The following DMD variants were observed in gnomAD, a reference collection of about 807,000 sequenced individuals.
The protein encoded by DMD is mutant dystrophin.
A neutral mutation model predicts 330.1 loss-of-function variants in DMD; 63 were observed. That is an observed-to-expected ratio of 0.19 (90% CI 0.16 to 0.24). The LOEUF is 0.24. DMD is among the 10% of genes least tolerant of loss of function. DMD has a pLI of 1.00. For missense variants in DMD, 3,344 were observed against 2,684.1 expected (o/e 1.25, Z -5.43); for synonymous variants, 1,223 against 959.8 (o/e 1.27, Z -5.07).
intron 37 of DMD, among the ~76,000 whole-genome samples, chrX:32,353,873 T>G (rs1203656843): frequency 9.0e-6 from 1 of 111,198 alleles, no homozygotes; most frequent in Non-Finnish European, 1.9e-5. Flanking sequence ...GCTTAACAAC[T>G]ATTAATTGTG....
At position 31,466,542 on chromosome X, in the gene DMD, C is replaced by T. The variant is rs550473918; in HGVS notation, c.8937+11564G>A. Among the ~76,000 whole-genome samples the T allele has an allele frequency of 5.6e-4, 63 of 111,751 alleles. 1 individual carries two copies. Among genetic ancestry groups the T allele is most frequent in the African/African-American group, 1.9e-3 (59 of 30,721 alleles). ...CTATATATCTGTTTTGGTACCAATA[C>T]CATACTGTTTTGGTTACTGAAGCCT... On this transcript the variant is annotated intron_variant, in intron 59 of 78. Transcript: ENST00000357033.
At chrX:32,977,361 G>T (rs1446274548) in intron 2 of DMD, among the ~76,000 whole-genome samples, 1 of 111,202 alleles carries the variant, frequency 9.0e-6, no homozygotes, top group East Asian at 2.8e-4. Flanking sequence ...ACACCCAATT[G>T]ATTAAATTAT....
At chrX:32,485,382 A>C (rs1284256882) in intron 20 of DMD, among the ~76,000 whole-genome samples, 2 of 110,960 alleles carry the variant, frequency 1.8e-5, no homozygotes, top group African/African-American at 3.3e-5. Flanking sequence ...CAGTGGAAAA[A>C]TACTATGCAT....
intron 62 of DMD, among the ~76,000 whole-genome samples, chrX:31,284,031 C>G (rs955935452): frequency 8.9e-6 from 1 of 112,235 alleles, no homozygotes; most frequent in African/African-American, 3.2e-5. Flanking sequence ...CTCAGCCTAG[C>G]CTACCTTAAA....
At chrX:31,976,979 T>A (rs1274736617) in intron 44 of DMD, among the ~76,000 whole-genome samples, 1 of 112,032 alleles carries the variant, frequency 8.9e-6, no homozygotes, top group Non-Finnish European at 1.9e-5. Flanking sequence ...GTCAACACTC[T>A]CAACTTAATG....
chrX:32,843,134 G>A (rs17283421), intron 4 of DMD, among the ~76,000 whole-genome samples: 9,390 of 111,520 alleles, frequency 0.084, 311 homozygotes, highest in Middle Eastern at 0.15. Context: ...ATGCAGGATT[G>A]AGTTTTACAG....
rs1057523030 is a variant in DMD at position 32,545,266 on chromosome X, C to A, written c.2061G>T (p.Thr687=). Residue 687 remains threonine (T), a synonymous_variant, in exon 17 of 79, where the codon ACG becomes ACT. Transcript: ENST00000357033. ...CCAGGATCTGTTCCCTTGTGGTCAC[C>A]GTAGTTACTGTTTCCATTACAGTTG... ...TQTTVMETVT[T]VTTREQILVK... The A allele has an allele frequency of 4.1e-6, 5 of 1,208,824 alleles. No homozygotes were observed. The African/African-American group carries it at 8.8e-5, about 21-fold the overall frequency.
chrX:31,584,412 C>G (rs2076488639), intron 55 of DMD, among the ~76,000 whole-genome samples: 1 of 111,185 alleles, frequency 9.0e-6, no homozygotes, highest in Admixed American at 9.6e-5. Flanking sequence ...TCCAGCTCCT[C>G]AAAGATCTAG....
At chrX:32,790,911 C>T (rs762331392) in intron 7 of DMD, among the ~76,000 whole-genome samples, 4 of 111,262 alleles carry the variant, frequency 3.6e-5, no homozygotes, top group Admixed American at 9.5e-5. Flanking sequence ...CCTTGCCCCT[C>T]GACTACAATA....
intron 1 of DMD, among the ~76,000 whole-genome samples, chrX:33,200,925 CTTTTTT>C (rs10678250): frequency 1.9e-5 from 1 of 52,808 alleles, no homozygotes; most frequent in Non-Finnish European, 3.0e-5. Flanking sequence ...AATCAATAGA[CTTTTTT>C]TTTTTTTTTT....
intron 1 of DMD, among the ~76,000 whole-genome samples, chrX:33,106,066 A>G (rs910593871): frequency 9.0e-5 from 10 of 110,680 alleles, no homozygotes; most frequent in African/African-American, 3.3e-4. Flanking sequence ...ACACACACAC[A>G]CACACACACA....
chrX:31,149,620 T>C lies in DMD; in HGVS notation c.10554-2102A>G, dbSNP rs377460597. Among the ~76,000 whole-genome samples the C allele has an allele frequency of 1.2e-4, 13 of 112,283 alleles. No homozygotes were observed. The South Asian group carries it at 4.4e-3, about 38-fold the overall frequency. ...TACTATGGTCTCATTTTATGTCCAT[T>C]AATAATGTTTTACTTGTTACTCTTT... On this transcript the variant is annotated intron_variant, in intron 74 of 78. Transcript: ENST00000357033.
At chrX:32,383,050 T>C (rs2097935651) in intron 33 of DMD, among the ~76,000 whole-genome samples, 1 of 111,064 alleles carries the variant, frequency 9.0e-6, no homozygotes, top group Non-Finnish European at 1.9e-5. Context: ...TCCATAAAAA[T>C]CAGAGCATAG....
At chrX:32,598,690 G>A (rs767563243) in intron 12 of DMD, among the ~76,000 whole-genome samples, 7 of 111,936 alleles carry the variant, frequency 6.3e-5, no homozygotes, top group Non-Finnish European at 1.1e-4. Flanking sequence ...GTGATCAAAC[G>A]TACTATATTC....
intron 6 of DMD, among the ~76,000 whole-genome samples, chrX:32,811,847 T>TA (rs60255180): frequency 0.012 from 1,329 of 111,132 alleles, 15 homozygotes; most frequent in East Asian, 0.037. Flanking sequence ...CGACTTGCAT[T>TA]AAAAAAAATG....
intron 76 of DMD, among the ~76,000 whole-genome samples, chrX:31,139,037 A>G (rs1326057953): frequency 8.9e-6 from 1 of 112,268 alleles, no homozygotes; most frequent in Non-Finnish European, 1.9e-5. Context: ...TCCCTACTTC[A>G]CAGATTCATT....
intron 59 of DMD, among the ~76,000 whole-genome samples, chrX:31,463,968 G>C (rs2066695240): frequency 2.7e-5 from 3 of 111,296 alleles, no homozygotes; most frequent in African/African-American, 9.8e-5. Flanking sequence ...CTAATACTGA[G>C]AGTATATTAC....
chrX:32,390,575 G>A (rs1392962859), intron 30 of DMD, among the ~76,000 whole-genome samples: 1 of 111,620 alleles, frequency 9.0e-6, no homozygotes, highest in East Asian at 2.8e-4. Flanking sequence ...CACTCAAATC[G>A]GACCAAAGAC....
At chrX:33,074,952 C>T (rs1341503775) in intron 1 of DMD, among the ~76,000 whole-genome samples, 1 of 111,627 alleles carries the variant, frequency 9.0e-6, no homozygotes, top group Non-Finnish European at 1.9e-5. Flanking sequence ...AATAGCCCTT[C>T]CCCAAAACTC....
Sources: gnomAD v4.1 joint callset for allele counts (sites outside exome capture counted in the v4.1 genomes callset) on GRCh38, gnomAD v4.1.1 for gene constraint, MANE v1.5 for transcripts, NCBI Gene and HGNC (gene_info 2026-07-23, HGNC 2026-07-21) for gene names.